Variants in PSD2 observed in about 807,000 individuals in gnomAD.
The protein encoded by PSD2 is pleckstrin and Sec7 domain containing 2.
A neutral mutation model predicts 69.8 loss-of-function variants in PSD2; 38 were observed. The ratio of observed to expected loss-of-function variants is 0.54; its 90% confidence interval spans 0.42 to 0.71. The LOEUF (loss-of-function observed/expected upper bound fraction) is 0.71, where lower values mean the gene tolerates loss of function less well. Ranked by LOEUF, PSD2 falls within the 30% of genes least tolerant of loss-of-function variation. The pLI is 0.00. For synonymous variants in PSD2, 412 were observed against 423.0 expected, an observed-to-expected ratio of 0.97 and a Z score of 0.32; for missense variants, 943 against 1,014.5, an observed-to-expected ratio of 0.93 and a Z score of 0.96.
chr5:139,799,691 G>A (rs1294794996), intron 1 of PSD2, among the ~76,000 whole-genome samples: 3 of 152,128 alleles, frequency 2.0e-5, no homozygotes, highest in African/African-American at 7.2e-5. Flanking sequence ...AAGACAGGGG[G>A]GACAGCATTG....
the PSD2 span, among the ~76,000 whole-genome samples, chr5:139,768,449 A>G: frequency 1.5e-4 from 23 of 152,276 alleles, no homozygotes; most frequent in South Asian, 1.0e-3. Context: ...TTGGCCAGGC[A>G]TGGTGGCTCA....
At chr5:139,750,134 G>A in the PSD2 span, among the ~76,000 whole-genome samples, 1 of 152,062 alleles carries the variant, frequency 6.6e-6, no homozygotes, top group Admixed American at 6.6e-5. Flanking sequence ...GACCATCCTG[G>A]CTAACACGGT....
chr5:139,792,176 G>A (rs1235962952), upstream of PSD2, among the ~76,000 whole-genome samples: 2 of 151,922 alleles, frequency 1.3e-5, no homozygotes, highest in East Asian at 3.9e-4. Flanking sequence ...GGGGTGCTGG[G>A]GACAGGGGCA....
the PSD2 span, among the ~76,000 whole-genome samples, chr5:139,756,012 G>A: frequency 6.6e-6 from 1 of 152,224 alleles, no homozygotes; most frequent in Middle Eastern, 3.2e-3. Context: ...CTCCGCTAGT[G>A]TCCCCGCGGC....
chr5:139,770,438 T>C, the PSD2 span, among the ~76,000 whole-genome samples: 1 of 152,034 alleles, frequency 6.6e-6, no homozygotes, highest in East Asian at 1.9e-4. Flanking sequence ...CGGACTATAA[T>C]CCCAGCTGCT....
chr5:139,803,234 C>T lies in PSD2; in HGVS notation c.-50-6157C>T, dbSNP rs28575723. ...CTCTCTGGCCCCCCTCCTGGCCCCA[C>T]GGGAGTCTTTGATTTGCCTCTACCC... On this transcript the variant is annotated intron_variant, in intron 1 of 14. Coordinates refer to ENST00000274710, the MANE Select transcript of PSD2 (RefSeq NM_032289.4). Among the ~76,000 whole-genome samples the T allele has an allele frequency of 1.8e-3, 271 of 152,332 alleles. 1 individual carries two copies. Among genetic ancestry groups the T allele is most frequent in the African/African-American group, 6.1e-3 (254 of 41,578 alleles).
the PSD2 span, among the ~76,000 whole-genome samples, chr5:139,748,132 C>G: frequency 6.6e-6 from 1 of 152,092 alleles, no homozygotes; most frequent in Non-Finnish European, 1.5e-5. Flanking sequence ...CCCCGGGGCC[C>G]CAGCACTGAC....
At chr5:139,753,526 G>T in the PSD2 span, among the ~76,000 whole-genome samples, 5 of 152,188 alleles carry the variant, frequency 3.3e-5, no homozygotes, top group Non-Finnish European at 7.3e-5. Context: ...AGTGGGAGGG[G>T]TGTATGCATC....
the PSD2 span, among the ~76,000 whole-genome samples, chr5:139,755,467 T>C: frequency 6.6e-6 from 1 of 152,076 alleles, no homozygotes; most frequent in African/African-American, 2.4e-5. Flanking sequence ...ATGTTTGTGT[T>C]TGTAGCTCTG....
Position 139,813,594 on chromosome 5 carries a change from C to T in PSD2, c.657C>T (p.Gly219=), listed in dbSNP as rs371134869. 7 of 1,613,794 alleles carry T rather than the reference C, an allele frequency of 4.3e-6. No homozygotes were observed. The East Asian group carries it at 6.7e-5, about 15-fold the overall frequency. Residue 219 remains glycine (G), a synonymous_variant, in exon 3 of 15, where the codon GGC becomes GGT. Transcript: ENST00000274710. ...MGAAGGDGEL[G]SPLRRSISSS... ...CAGCTGGTGGTGATGGGGAGCTGGG[C>T]AGCCCCCTGCGGCGCTCCATCTCCA... is the stretch of plus-strand genomic sequence containing the variant.
At chr5:139,815,794 G>A (rs1334240767) in intron 4 of PSD2, among the ~76,000 whole-genome samples, 1 of 152,108 alleles carries the variant, frequency 6.6e-6, no homozygotes, top group Non-Finnish European at 1.5e-5. Context: ...AGGAGTTTGA[G>A]ACCAGCCTGG....
chr5:139,818,026 A>G lies in PSD2; in HGVS notation c.1097+465A>G, dbSNP rs146484345. Reference sequence around the variant, plus strand: ...CTCAACTCTATTGGTGTTTGGACCTAGGGAGTAGACCTCAGGAGGGCCAAT... The same window carrying G: ...CTCAACTCTATTGGTGTTTGGACCTGGGGAGTAGACCTCAGGAGGGCCAAT... On this transcript the variant is annotated intron_variant, in intron 5 of 14. Coordinates refer to ENST00000274710, the MANE Select transcript of PSD2 (RefSeq NM_032289.4). Among the ~76,000 whole-genome samples, 680 of 152,256 alleles carry G rather than the reference A, an allele frequency of 4.5e-3. 7 individuals carry two copies. The highest frequency in any genetic ancestry group is 7.7e-3 in the Non-Finnish European group (521 of 68,006).
At chr5:139,835,832 C>T (rs953232519) in intron 9 of PSD2, 66 bp downstream of exon 9, 3 of 1,483,640 alleles carry the variant, frequency 2.0e-6, no homozygotes, top group Middle Eastern at 1.7e-4. Context: ...TGTGGGGGTG[C>T]AGGTCCGACA....
At chr5:139,788,372 C>T in the PSD2 span, among the ~76,000 whole-genome samples, 1 of 152,220 alleles carries the variant, frequency 6.6e-6, no homozygotes, top group East Asian at 1.9e-4. Flanking sequence ...AGGGGAGGGT[C>T]AGTTTCAACC....
chr5:139,814,255 C>T lies in PSD2; in HGVS notation c.907C>T (p.Leu303=), dbSNP rs374296345. 6.2e-7 allele frequency: 1 copy of T among 1,613,764 alleles called. No homozygotes were observed. The highest frequency in any genetic ancestry group is 1.3e-5 in the African/African-American group (1 of 74,918). Residue 303 remains leucine (L), a synonymous_variant, in exon 4 of 15, where the codon CTG becomes TTG. Transcript: ENST00000274710. This position sits in a 1 kb window ranked among gnomAD's most constrained non-coding sequence, Gnocchi z 4.4. The stretch of plus-strand genomic sequence containing the variant: ...GTTGGAGCCTGGTAGTGCAGACCCT[C>T]TGGCCAACGGGTGCCAGGGGGTCAG... The part of the protein sequence containing the change: ...EGLEPGSADP[L]ANGCQGVSEA...
Position 139,842,666 on chromosome 5 carries a change from C to G in PSD2, c.*192C>G. Reference sequence around the variant, plus strand: ...GATCTCCTTGCGTCCTTGGGCATCTCCGGGCATCAGACCCTCTCCCTGGCC... The same window carrying G: ...GATCTCCTTGCGTCCTTGGGCATCTGCGGGCATCAGACCCTCTCCCTGGCC... On this transcript the variant is annotated 3_prime_UTR_variant, in exon 15 of 15. Coordinates refer to ENST00000274710, the MANE Select transcript of PSD2 (RefSeq NM_032289.4). The G allele has an allele frequency of 1.7e-6, 1 of 590,102 alleles. No individual in the cohort carries two copies. Among genetic ancestry groups the G allele is most frequent in the Non-Finnish European group, 3.0e-6 (1 of 332,482 alleles). The allele number at this position is 590,102 out of a possible 1,614,324, so 36.6% of individuals were successfully genotyped here. A position where few individuals can be genotyped will look rare whatever the true frequency, so the allele number is the denominator to read the frequency against.
chr5:139,785,982 G>C, the PSD2 span, among the ~76,000 whole-genome samples: 1 of 152,090 alleles, frequency 6.6e-6, no homozygotes, highest in Non-Finnish European at 1.5e-5. Flanking sequence ...CCAGCTACTT[G>C]AGAGGCTGAG....
chr5:139,822,834 C>T (rs377162626), intron 7 of PSD2, 50 bp downstream of exon 7: 15 of 1,512,378 alleles, frequency 9.9e-6, no homozygotes, highest in African/African-American at 7.0e-5. Flanking sequence ...CAGGGACCCA[C>T]CTTGTGTTGA....
At chr5:139,835,251 T>C (rs1389626650) in intron 8 of PSD2, among the ~76,000 whole-genome samples, 1 of 151,874 alleles carries the variant, frequency 6.6e-6, no homozygotes, top group Non-Finnish European at 1.5e-5. Flanking sequence ...ATCTTCCTCA[T>C]ATACCCTCTG....
Sources: gnomAD v4.1 joint callset for allele counts (sites outside exome capture counted in the v4.1 genomes callset) on GRCh38, gnomAD v4.1.1 for gene constraint, Gnocchi (gnomAD v3.1) non-coding constraint, MANE v1.5 for transcripts, NCBI Gene and HGNC (gene_info 2026-07-23, HGNC 2026-07-21) for gene names.